The following ADAMTS19 variants were observed in gnomAD, a reference collection of about 807,000 sequenced individuals.
ADAMTS19 encodes the protein A disintegrin and metalloproteinase with thrombospondin motifs 19.
A neutral mutation model predicts 153.3 loss-of-function variants in ADAMTS19; 93 were observed. That is an observed-to-expected ratio of 0.61 (90% CI 0.51 to 0.72). ADAMTS19 has a LOEUF of 0.72. Ranked by LOEUF, ADAMTS19 falls within the 30% of genes least tolerant of loss-of-function variation. The pLI, the probability that ADAMTS19 is intolerant of heterozygous loss-of-function variation, is 0.00. For synonymous variants in ADAMTS19, 600 were observed against 556.6 expected (o/e 1.08, Z -1.10); for missense variants, 1,482 against 1,552.1 (o/e 0.95, Z 0.76).
intron 7 of ADAMTS19, among the ~76,000 whole-genome samples, chr5:129,566,540 G>A (rs1487247220): frequency 1.3e-5 from 2 of 152,150 alleles, no homozygotes. Context: ...CCAGCAGTGA[G>A]TTTATAATTT....
At chr5:129,644,015 T>C (rs1752943785) in intron 11 of ADAMTS19, among the ~76,000 whole-genome samples, 1 of 121,028 alleles carries the variant, frequency 8.3e-6, no homozygotes. Flanking sequence ...ATATCTTTAT[T>C]TTTATATCTG....
At position 129,539,178 on chromosome 5, in the gene ADAMTS19, G is replaced by A. The variant is rs548838478; in HGVS notation, c.1328+10501G>A. 1.2e-4 allele frequency among the ~76,000 whole-genome samples: 19 copies of A among 152,126 alleles called. No homozygotes were observed. In the South Asian group the frequency reaches 3.9e-3, roughly 32 times the overall value. ...ACCAGTGAATATGCCATCTTACATG[G>A]CAAGGGGACTTTGCAAATGTGATTA... is the stretch of plus-strand genomic sequence containing the variant. On this transcript the variant is annotated intron_variant, in intron 6 of 22. Coordinates refer to ENST00000274487, the MANE Select transcript of ADAMTS19 (RefSeq NM_133638.6).
chr5:129,500,441 ACT>A (rs1751061638), intron 2 of ADAMTS19: 2 of 151,478 alleles, frequency 1.3e-5, no homozygotes, highest in East Asian at 3.9e-4. Context: ...TTCTTGGGAG[ACT>A]CTTTTCTTCA....
chr5:129,570,658 T>C (rs1753869837), intron 7 of ADAMTS19, among the ~76,000 whole-genome samples: 1 of 151,960 alleles, frequency 6.6e-6, no homozygotes, highest in Non-Finnish European at 1.5e-5. Context: ...TACACCAATA[T>C]TTCTCATGAA....
At chr5:129,545,202 A>G (rs1752813309) in intron 6 of ADAMTS19, among the ~76,000 whole-genome samples, 1 of 152,224 alleles carries the variant, frequency 6.6e-6, no homozygotes, top group African/African-American at 2.4e-5. Flanking sequence ...TTTGGGGGAA[A>G]ACAGTTGATT....
chr5:129,551,577 A>G (rs1238484107), intron 6 of ADAMTS19, among the ~76,000 whole-genome samples: 1 of 151,742 alleles, frequency 6.6e-6, no homozygotes, highest in Non-Finnish European at 1.5e-5. Context: ...GTAATAAAAC[A>G]ATAGAATACT....
At chr5:129,631,627 A>C (rs766442513) in intron 10 of ADAMTS19, among the ~76,000 whole-genome samples, 11 of 151,984 alleles carry the variant, frequency 7.2e-5, no homozygotes, top group Non-Finnish European at 1.5e-4. Flanking sequence ...TGGTAGAAGT[A>C]TAACTTTTTT....
chr5:129,647,850 G>A lies in ADAMTS19; in HGVS notation c.1958G>A (p.Arg653Gln), dbSNP rs754995381. The A allele has an allele frequency of 2.4e-5, 39 of 1,613,914 alleles. No individual in the cohort carries two copies. The highest frequency in any genetic ancestry group is 3.0e-5 in the Non-Finnish European group (35 of 1,179,944). Residue 653 changes from arginine to glutamine, a missense_variant, in exon 12 of 23, where the codon CGA becomes CAA. By Grantham distance (43) the Arg-to-Gln change is conservative. This residue lies in a region of ADAMTS19 where 616 missense variants were observed against 724.4 expected (regional missense o/e 0.85). Transcript: ENST00000274487. ...GEWSLWSPCS[R>Q]TCSAGISSRE... ...TGGAGCCTGTGGAGTCCTTGTAGCC[G>A]AACCTGCAGTGCTGGGATCAGCAGT...
intron 14 of ADAMTS19, among the ~76,000 whole-genome samples, chr5:129,656,485 T>A (rs891213894): frequency 2.0e-5 from 3 of 152,214 alleles, no homozygotes; most frequent in African/African-American, 7.2e-5. Flanking sequence ...TGACCCATTT[T>A]GGTTCTGTGA....
chr5:129,620,054 T>C (rs963061918), intron 8 of ADAMTS19, among the ~76,000 whole-genome samples: 70 of 151,886 alleles, frequency 4.6e-4, no homozygotes, highest in African/African-American at 1.6e-3. Flanking sequence ...TAGAAATAAG[T>C]CCGACTTTTA....
chr5:129,584,713 T>C (rs1749696567), intron 7 of ADAMTS19, among the ~76,000 whole-genome samples: 1 of 152,154 alleles, frequency 6.6e-6, no homozygotes, highest in Non-Finnish European at 1.5e-5. Context: ...GTAAACCGCC[T>C]ACTCAAGCCT....
At chr5:129,644,771 C>T (rs962947051) in intron 11 of ADAMTS19, among the ~76,000 whole-genome samples, 8 of 152,028 alleles carry the variant, frequency 5.3e-5, no homozygotes, top group East Asian at 1.9e-4. Context: ...ATGAAAAGAG[C>T]GGAAAGAGAC....
At chr5:129,469,835 T>C (rs1750001603) in intron 2 of ADAMTS19, among the ~76,000 whole-genome samples, 2 of 152,198 alleles carry the variant, frequency 1.3e-5, no homozygotes, top group Admixed American at 1.3e-4. Flanking sequence ...GGTTTTTAAG[T>C]GTACCTACCT....
chr5:129,697,154 T>C (rs1016812046), intron 19 of ADAMTS19, among the ~76,000 whole-genome samples: 16 of 152,194 alleles, frequency 1.1e-4, no homozygotes, highest in Admixed American at 4.6e-4. Context: ...TAGTATCTTA[T>C]TGCTACAAAG....
intron 19 of ADAMTS19, among the ~76,000 whole-genome samples, chr5:129,697,979 G>C (rs1755638333): frequency 1.3e-5 from 2 of 152,158 alleles, no homozygotes; most frequent in South Asian, 4.1e-4. Context: ...CATGTTTGTT[G>C]TTTCCCAAGT....
intron 10 of ADAMTS19, among the ~76,000 whole-genome samples, chr5:129,628,195 G>A (rs546257229): frequency 6.6e-6 from 1 of 152,050 alleles, no homozygotes; most frequent in East Asian, 1.9e-4. Context: ...GCAAACTTAT[G>A]CAGGAACAAA....
intron 8 of ADAMTS19, among the ~76,000 whole-genome samples, chr5:129,619,120 T>C (rs1020641485): frequency 6.6e-6 from 1 of 151,968 alleles, no homozygotes; most frequent in Non-Finnish European, 1.5e-5. Context: ...TTAATGTTGA[T>C]GATTAAGTAG....
At chr5:129,700,101 C>A (rs1358595473) in intron 19 of ADAMTS19, among the ~76,000 whole-genome samples, 2 of 152,148 alleles carry the variant, frequency 1.3e-5, no homozygotes. Context: ...TTTTAATTGA[C>A]AGGAATCACA....
chr5:129,604,788 A>G lies in ADAMTS19; in HGVS notation c.1478+8124A>G, dbSNP rs547887189. Among the ~76,000 whole-genome samples the G allele has an allele frequency of 2.0e-5, 3 of 152,296 alleles. No individual in the cohort carries two copies. The South Asian group carries it at 6.2e-4, about 32-fold the overall frequency. On this transcript the variant is annotated intron_variant, in intron 8 of 22. Transcript: ENST00000274487. ...AAAGTATCAGGTAAATTCTTATAAA[A>G]ACAATATTCTGTATTTTGAAATGTA... is the stretch of plus-strand genomic sequence containing the variant.
Sources: gnomAD v4.1 joint callset for allele counts (sites outside exome capture counted in the v4.1 genomes callset) on GRCh38, gnomAD v4.1.1 for gene constraint, gnomAD v4.1.1 regional missense constraint, MANE v1.5 for transcripts, NCBI Gene and HGNC (gene_info 2026-07-23, HGNC 2026-07-21) for gene names.